ABTB3: variants seen among roughly 807,000 people sequenced by gnomAD.
ABTB3 encodes the protein ankyrin repeat- and BTB/POZ domain-containing protein 3.
At chr12:107,520,433 C>T in the ABTB3 span, 6 of 1,584,802 alleles carry the variant, frequency 3.8e-6, no homozygotes, top group Non-Finnish European at 5.2e-6. Flanking sequence ...CCTCGGTTAA[C>T]TGAAAAATAA....
chr12:107,545,083 G>A, the ABTB3 span, among the ~76,000 whole-genome samples: 7 of 152,272 alleles, frequency 4.6e-5, no homozygotes, highest in East Asian at 9.6e-4. Flanking sequence ...GTTACTTGGT[G>A]CCAAGTGGTT....
At chr12:107,394,288 G>A in the ABTB3 span, among the ~76,000 whole-genome samples, 1 of 152,226 alleles carries the variant, frequency 6.6e-6, no homozygotes, top group Non-Finnish European at 1.5e-5. Flanking sequence ...AGTAATAGAT[G>A]AGAGAGTTCC....
chr12:107,324,384 T>C, the ABTB3 span, among the ~76,000 whole-genome samples: 1 of 152,092 alleles, frequency 6.6e-6, no homozygotes, highest in African/African-American at 2.4e-5. Flanking sequence ...ATAGCTTATT[T>C]TGGGGAGGCT....
At chr12:107,505,178 C>T in the ABTB3 span, among the ~76,000 whole-genome samples, 1 of 152,142 alleles carries the variant, frequency 6.6e-6, no homozygotes, top group South Asian at 2.1e-4. Context: ...TCTTCCCTTT[C>T]TAATGTGACT....
At chr12:107,656,817 C>G in the ABTB3 span, among the ~76,000 whole-genome samples, 1 of 152,134 alleles carries the variant, frequency 6.6e-6, no homozygotes, top group African/African-American at 2.4e-5. Context: ...CCCACCTGTA[C>G]CAGGAAGCTT....
chr12:107,424,102 G>C, the ABTB3 span, among the ~76,000 whole-genome samples: 1 of 152,176 alleles, frequency 6.6e-6, no homozygotes, highest in Admixed American at 6.6e-5. Context: ...TGAGAAGCCA[G>C]AGCGGGCACT....
At chr12:107,552,605 A>G in the ABTB3 span, among the ~76,000 whole-genome samples, 3 of 152,246 alleles carry the variant, frequency 2.0e-5, no homozygotes, top group Admixed American at 6.5e-5. Flanking sequence ...AAATTTAGTC[A>G]AAAGAGATCT....
the ABTB3 span, among the ~76,000 whole-genome samples, chr12:107,474,900 C>T: frequency 6.6e-6 from 1 of 152,136 alleles, no homozygotes; most frequent in Non-Finnish European, 1.5e-5. Flanking sequence ...GATTTCCAGC[C>T]AGGTCTAGAA....
the ABTB3 span, among the ~76,000 whole-genome samples, chr12:107,525,979 T>G: frequency 2.6e-5 from 4 of 152,298 alleles, no homozygotes; most frequent in East Asian, 7.7e-4. Flanking sequence ...TAAAATCATT[T>G]TTTTCTTTTT....
the ABTB3 span, among the ~76,000 whole-genome samples, chr12:107,628,113 G>A: frequency 2.0e-5 from 3 of 152,264 alleles, no homozygotes; most frequent in Middle Eastern, 3.4e-3. Context: ...GCTCCACAAG[G>A]GAGCCATCTG....
the ABTB3 span, among the ~76,000 whole-genome samples, chr12:107,539,121 C>T: frequency 6.6e-6 from 1 of 152,162 alleles, no homozygotes; most frequent in Non-Finnish European, 1.5e-5. Context: ...TTGTGTGGCT[C>T]TTATATAAAT....
the ABTB3 span, among the ~76,000 whole-genome samples, chr12:107,482,176 A>AC: frequency 6.6e-6 from 1 of 151,180 alleles, no homozygotes; most frequent in Non-Finnish European, 1.5e-5. Flanking sequence ...AACGCATGTC[A>AC]CCCCCTCCAG....
At chr12:107,602,553 G>A in the ABTB3 span, among the ~76,000 whole-genome samples, 1 of 152,202 alleles carries the variant, frequency 6.6e-6, no homozygotes, top group Non-Finnish European at 1.5e-5. Context: ...TGTAAAGAAA[G>A]TATTACTAAG....
chr12:107,642,501 G>A, the ABTB3 span, among the ~76,000 whole-genome samples: 1 of 152,134 alleles, frequency 6.6e-6, no homozygotes, highest in Non-Finnish European at 1.5e-5. Context: ...GAGTACTCGA[G>A]GCGTGAGCCA....
the ABTB3 span, among the ~76,000 whole-genome samples, chr12:107,407,803 C>T: frequency 2.0e-5 from 3 of 152,188 alleles, no homozygotes; most frequent in East Asian, 5.8e-4. Context: ...GTGATGGCGG[C>T]GACTCAGGGA....
At chr12:107,532,378 A>G in the ABTB3 span, among the ~76,000 whole-genome samples, 1 of 152,224 alleles carries the variant, frequency 6.6e-6, no homozygotes, top group Non-Finnish European at 1.5e-5. Flanking sequence ...TACCACATCC[A>G]TCACAAACAA....
chr12:107,378,790 T>C, the ABTB3 span, among the ~76,000 whole-genome samples: 118,420 of 152,134 alleles, frequency 0.78, 46,335 homozygotes, highest in Non-Finnish European at 0.81. Flanking sequence ...TTCTGTCACT[T>C]GTGAAAACGT....
At chr12:107,469,916 TTCTTTC>T in the ABTB3 span, among the ~76,000 whole-genome samples, 139 of 110,680 alleles carry the variant, frequency 1.3e-3, 4 homozygotes, top group Middle Eastern at 9.6e-3. Context: ...CTTTCTTTCT[TTCTTTC>T]TCTCTCTCTC....
At chr12:107,549,535 A>T in the ABTB3 span, among the ~76,000 whole-genome samples, 25 of 152,352 alleles carry the variant, frequency 1.6e-4, 1 homozygote, top group African/African-American at 6.0e-4. Flanking sequence ...ACCAGTCAGG[A>T]TACTTAGTTG....
Sources: allele counts gnomAD v4.1 joint callset (sites outside exome capture counted in the v4.1 genomes callset), GRCh38; gene constraint gnomAD v4.1.1; transcripts MANE v1.5; gene names NCBI Gene and HGNC (gene_info 2026-07-23, HGNC 2026-07-21).